The following MFSD6 variants were observed in gnomAD, a reference collection of about 807,000 sequenced individuals.
MFSD6 encodes the protein major facilitator superfamily domain containing 6, also known as major facilitator superfamily domain-containing protein 6.
Under a neutral mutation model 56.3 loss-of-function variants are expected in MFSD6, and 26 were observed. That is an observed-to-expected ratio of 0.46 (90% CI 0.34 to 0.64). The LOEUF (loss-of-function observed/expected upper bound fraction) is 0.64. Ranked by LOEUF, MFSD6 falls within the 30% of genes least tolerant of loss-of-function variation. The pLI is 0.01. For missense variants in MFSD6, 750 were observed against 986.2 expected, an observed-to-expected ratio of 0.76 and a Z score of 3.21; for synonymous variants, 331 against 366.9, an observed-to-expected ratio of 0.90 and a Z score of 1.12.
Position 190,453,381 on chromosome 2 carries a change from C to T in MFSD6, c.1532+15820C>T, listed in dbSNP as rs566290269. 9.9e-5 allele frequency among the ~76,000 whole-genome samples: 15 copies of T among 152,190 alleles called. No homozygotes were observed. The East Asian group carries it at 2.5e-3, about 25-fold the overall frequency. On this transcript the variant is annotated intron_variant, in intron 3 of 7. Coordinates refer to ENST00000392328, the MANE Select transcript of MFSD6 (RefSeq NM_017694.4). Reference sequence around the variant, plus strand: ...CCCATTGGAAAGTTGCATTGATAAGCCCAGATTTAGAGAAAGGATGAAGTT... The same window carrying T: ...CCCATTGGAAAGTTGCATTGATAAGTCCAGATTTAGAGAAAGGATGAAGTT...
rs756963181 is a variant in MFSD6, at chr2:190,492,222, G to C, written c.1891+2356G>C. Among the ~76,000 whole-genome samples, 1 of 152,186 alleles carries C rather than the reference G, an allele frequency of 6.6e-6. No individual in the cohort carries two copies. The highest frequency in any genetic ancestry group is 1.5e-5 in the Non-Finnish European group (1 of 68,028). ...GGAAGAAGATACATCTGAAAGTATGGAAAACACATTTGATGAAATAATCAA... is the reference window on the plus strand; with the variant it reads ...GGAAGAAGATACATCTGAAAGTATGCAAAACACATTTGATGAAATAATCAA... On this transcript the variant is annotated intron_variant, in intron 6 of 7. Transcript: ENST00000392328. The surrounding 1 kb of genome is among the most constrained non-coding windows in gnomAD (Gnocchi z 5.2).
rs1685704672 is a variant in MFSD6, at chr2:190,423,758, G to A, written c.-54+8345G>A. Among the ~76,000 whole-genome samples, 1 of 152,168 alleles carries A rather than the reference G, an allele frequency of 6.6e-6. No homozygotes were observed. On this transcript the variant is annotated intron_variant, in intron 2 of 7. Transcript: ENST00000392328. This position sits in a 1 kb window ranked among gnomAD's most constrained non-coding sequence, Gnocchi z 4.3. Reference sequence around the variant, plus strand: ...GTACCATTTTAAATCCCCACCCACAGTATATGAGTAATTTGGTAGTTGTGC... The same window carrying A: ...GTACCATTTTAAATCCCCACCCACAATATATGAGTAATTTGGTAGTTGTGC...
chr2:190,463,821 A>AAAAT lies in MFSD6; in HGVS notation c.1533-5921_1533-5918dup, dbSNP rs900987144. 1.1e-6 allele frequency: 1 copy of AAAAT among 936,486 alleles called. No homozygotes were observed. Among genetic ancestry groups the AAAAT allele is most frequent in the Admixed American group, 6.2e-5 (1 of 16,182 alleles). The allele number at this position is 936,486 out of a possible 1,614,324, so 58.0% of individuals were successfully genotyped here. ...GGTAACAGAGCAAGACCCTGTCTCA[A>AAAAT]AAATAAATAAATAAATAAAATAAAA... On this transcript the variant is annotated intron_variant, in intron 3 of 7. Transcript: ENST00000392328. This position sits in a 1 kb window ranked among gnomAD's most constrained non-coding sequence, Gnocchi z 4.4.
chr2:190,461,398 T>C lies in MFSD6; in HGVS notation c.1533-8360T>C, dbSNP rs570130315. Reference sequence around the variant, plus strand: ...AGAGACTATCCATTATATGAGGTTCTAGTGTTGTATCCTTTTAGAGATATT... The same window carrying C: ...AGAGACTATCCATTATATGAGGTTCCAGTGTTGTATCCTTTTAGAGATATT... On this transcript the variant is annotated intron_variant, in intron 3 of 7. Coordinates refer to ENST00000392328, the MANE Select transcript of MFSD6 (RefSeq NM_017694.4). The surrounding 1 kb of genome is among the most constrained non-coding windows in gnomAD (Gnocchi z 5.5). Among the ~76,000 whole-genome samples, 9 of 152,224 alleles carry C rather than the reference T, an allele frequency of 5.9e-5. No homozygotes were observed. The highest frequency in any genetic ancestry group is 1.3e-4 in the Non-Finnish European group (9 of 68,038).
In MFSD6 at chr2:190,457,764, A is replaced by T. The variant is rs1687118585; in HGVS notation, c.1533-11994A>T. ...TCTTTTCAAAACTCTAGTATAACCA[A>T]AGCAGTTATGACCACTCCTGAGAAA... On this transcript the variant is annotated intron_variant, in intron 3 of 7. Coordinates refer to ENST00000392328, the MANE Select transcript of MFSD6 (RefSeq NM_017694.4). This position sits in a 1 kb window ranked among gnomAD's most constrained non-coding sequence, Gnocchi z 5.1. Among the ~76,000 whole-genome samples, 1 of 152,190 alleles carries T rather than the reference A, an allele frequency of 6.6e-6. No individual in the cohort carries two copies. Among genetic ancestry groups the T allele is most frequent in the African/African-American group, 2.4e-5 (1 of 41,452 alleles).
Position 190,437,668 on chromosome 2 carries a change from A to G in MFSD6, c.1532+107A>G, listed in dbSNP as rs902443498. On this transcript the variant is annotated intron_variant, in intron 3 of 7. Transcript: ENST00000392328. The surrounding 1 kb of genome is among the most constrained non-coding windows in gnomAD (Gnocchi z 5.9). ...TAAGGTATTATAATTTGTGTTGAGG[A>G]TAGGGTTGGAGTGGAAATGGGGATT... 1 of 1,337,036 alleles carries G rather than the reference A, an allele frequency of 7.5e-7. No homozygotes were observed. The highest frequency in any genetic ancestry group is 1.0e-6 in the Non-Finnish European group (1 of 989,946). The allele number at this position is 1,337,036 out of a possible 1,614,324, so 82.8% of individuals were successfully genotyped here.
At position 190,424,822 on chromosome 2, in the gene MFSD6, G is replaced by A. The variant is rs1458838107; in HGVS notation, c.-54+9409G>A. Among the ~76,000 whole-genome samples, 1 of 152,040 alleles carries A rather than the reference G, an allele frequency of 6.6e-6. No individual in the cohort carries two copies. The highest frequency in any genetic ancestry group is 2.4e-5 in the African/African-American group (1 of 41,382). ...GTCTGTCCTTCTGCTAATACCACACGGTCTTAATGCACAGCTATATGATCT... is the reference window on the plus strand; with the variant it reads ...GTCTGTCCTTCTGCTAATACCACACAGTCTTAATGCACAGCTATATGATCT... On this transcript the variant is annotated intron_variant, in intron 2 of 7. Transcript: ENST00000392328. The surrounding 1 kb of genome is among the most constrained non-coding windows in gnomAD (Gnocchi z 5.9).
Position 190,487,109 on chromosome 2 carries a change from G to T in MFSD6, c.1631-1548G>T, listed in dbSNP as rs1452320306. 6.6e-6 allele frequency among the ~76,000 whole-genome samples: 1 copy of T among 152,168 alleles called. No homozygotes were observed. The highest frequency in any genetic ancestry group is 1.5e-5 in the Non-Finnish European group (1 of 68,032). ...ACTAATCCCAGCACTTTGAGAGGCTGAGGCAGGTGGATCACGAGGTCAAGA... is the reference window on the plus strand; with the variant it reads ...ACTAATCCCAGCACTTTGAGAGGCTTAGGCAGGTGGATCACGAGGTCAAGA... On this transcript the variant is annotated intron_variant, in intron 4 of 7. Coordinates refer to ENST00000392328, the MANE Select transcript of MFSD6 (RefSeq NM_017694.4). This position sits in a 1 kb window ranked among gnomAD's most constrained non-coding sequence, Gnocchi z 5.5.
In MFSD6 at chr2:190,465,543, C is replaced by T. The variant is rs577593041; in HGVS notation, c.1533-4215C>T. Among the ~76,000 whole-genome samples the T allele has an allele frequency of 1.1e-4, 16 of 152,164 alleles. No homozygotes were observed. The highest frequency in any genetic ancestry group is 3.9e-4 in the African/African-American group (16 of 41,516). ...AATTCTAGGACCCTGAACATATGCT[C>T]ATATTCAGCATAAAAAAGAATTTGA... On this transcript the variant is annotated intron_variant, in intron 3 of 7. Coordinates refer to ENST00000392328, the MANE Select transcript of MFSD6 (RefSeq NM_017694.4). This position sits in a 1 kb window ranked among gnomAD's most constrained non-coding sequence, Gnocchi z 4.6.
rs1690864992 is a variant in MFSD6 at position 190,418,141 on chromosome 2, T to C, written c.-54+2728T>C. Reference sequence around the variant, plus strand: ...AGTCAGTACCTGCTAAGAGCAGCACTGCTACTCATTCCCTATGTGACTTTG... The same window carrying C: ...AGTCAGTACCTGCTAAGAGCAGCACCGCTACTCATTCCCTATGTGACTTTG... On this transcript the variant is annotated intron_variant, in intron 2 of 7. Transcript: ENST00000392328. The surrounding 1 kb of genome is among the most constrained non-coding windows in gnomAD (Gnocchi z 4.1). 6.6e-6 allele frequency among the ~76,000 whole-genome samples: 1 copy of C among 152,168 alleles called. No homozygotes were observed. The highest frequency in any genetic ancestry group is 2.1e-4 in the South Asian group (1 of 4,830).
rs987613972 is a variant in MFSD6, at chr2:190,426,953, C to G, written c.-53-9024C>G. 1.3e-5 allele frequency among the ~76,000 whole-genome samples: 2 copies of G among 152,216 alleles called. No homozygotes were observed. The highest frequency in any genetic ancestry group is 2.9e-5 in the Non-Finnish European group (2 of 68,036). ...GAAGTCCAAGTTCCTCACTCAGCCT[C>G]TTTGGATACCTGAAGGTGAAAGACT... On this transcript the variant is annotated intron_variant, in intron 2 of 7. Transcript: ENST00000392328. This position sits in a 1 kb window ranked among gnomAD's most constrained non-coding sequence, Gnocchi z 4.7.
chr2:190,414,991 A>G (rs113103213), intron 1 of MFSD6, among the ~76,000 whole-genome samples: 1 of 152,156 alleles, frequency 6.6e-6, no homozygotes, highest in African/African-American at 2.4e-5. Context: ...TTTTCCCATG[A>G]TATGGATATA....
At position 190,469,027 on chromosome 2, in the gene MFSD6, A is replaced by G. The variant is rs1260069033; in HGVS notation, c.1533-731A>G. ...CTGAAACCTTATGCTTGGGTGCACC[A>G]CTTCAGGCCTTTGCTTATTTTCTTT... On this transcript the variant is annotated intron_variant, in intron 3 of 7. Transcript: ENST00000392328. This position sits in a 1 kb window ranked among gnomAD's most constrained non-coding sequence, Gnocchi z 5.3. Among the ~76,000 whole-genome samples the G allele has an allele frequency of 1.3e-5, 2 of 152,120 alleles. No individual in the cohort carries two copies. Among genetic ancestry groups the G allele is most frequent in the Non-Finnish European group, 2.9e-5 (2 of 68,028 alleles).
chr2:190,437,595 A>G lies in MFSD6; in HGVS notation c.1532+34A>G, dbSNP rs1461809870. On this transcript the variant is annotated intron_variant, in intron 3 of 7. Coordinates refer to ENST00000392328, the MANE Select transcript of MFSD6 (RefSeq NM_017694.4). The surrounding 1 kb of genome is among the most constrained non-coding windows in gnomAD (Gnocchi z 5.9). ...ATGCTTACGATTGCTGCCCCTCAGCAATTGAACTTTATCTTTTTATGGTTT... is the reference window on the plus strand; with the variant it reads ...ATGCTTACGATTGCTGCCCCTCAGCGATTGAACTTTATCTTTTTATGGTTT... The G allele has an allele frequency of 2.5e-6, 4 of 1,583,764 alleles. No individual in the cohort carries two copies. Among genetic ancestry groups the G allele is most frequent in the Admixed American group, 1.8e-5 (1 of 55,784 alleles).
rs1352788870 is a variant in MFSD6, at chr2:190,433,523, A to G, written c.-53-2454A>G. On this transcript the variant is annotated intron_variant, in intron 2 of 7. Coordinates refer to ENST00000392328, the MANE Select transcript of MFSD6 (RefSeq NM_017694.4). This position sits in a 1 kb window ranked among gnomAD's most constrained non-coding sequence, Gnocchi z 4.5. Reference sequence around the variant, plus strand: ...AAGAAAAACCTGATTTGGAAACTAAATAGAGGTGGTGGCCATATACATTGT... The same window carrying G: ...AAGAAAAACCTGATTTGGAAACTAAGTAGAGGTGGTGGCCATATACATTGT... 1 of 152,248 alleles carries G rather than the reference A, an allele frequency of 6.6e-6. No individual in the cohort carries two copies. The allele number at this position is 152,248 out of a possible 1,614,324, so 9.4% of individuals were successfully genotyped here.
At position 190,439,194 on chromosome 2, in the gene MFSD6, T is replaced by C. The variant is rs1686283021; in HGVS notation, c.1532+1633T>C. Reference sequence around the variant, plus strand: ...GGCAGATGAGCAAATCTCACTGCAGTTAATAATGTCTTTAAAATCACTGTT... The same window carrying C: ...GGCAGATGAGCAAATCTCACTGCAGCTAATAATGTCTTTAAAATCACTGTT... On this transcript the variant is annotated intron_variant, in intron 3 of 7. Transcript: ENST00000392328. This position sits in a 1 kb window ranked among gnomAD's most constrained non-coding sequence, Gnocchi z 5.8. Among the ~76,000 whole-genome samples, 1 of 151,980 alleles carries C rather than the reference T, an allele frequency of 6.6e-6. No homozygotes were observed. Among genetic ancestry groups the C allele is most frequent in the Non-Finnish European group, 1.5e-5 (1 of 68,014 alleles).
chr2:190,448,538 T>C (rs1686664421), intron 3 of MFSD6, among the ~76,000 whole-genome samples: 2 of 152,184 alleles, frequency 1.3e-5, no homozygotes. Flanking sequence ...CACTATGATG[T>C]TGACTGGGGA....
At chr2:190,446,280 G>A (rs903344762) in intron 3 of MFSD6, among the ~76,000 whole-genome samples, 2 of 152,136 alleles carry the variant, frequency 1.3e-5, no homozygotes, top group African/African-American at 4.8e-5. Flanking sequence ...AGAGTATGCT[G>A]TTTTCACAAC....
In MFSD6 at chr2:190,417,698, T is replaced by C. The variant is rs4853701; in HGVS notation, c.-54+2285T>C. Among the ~76,000 whole-genome samples the C allele has an allele frequency of 0.76, 115,877 of 151,782 alleles. 45,014 individuals are homozygous for C. Among genetic ancestry groups the C allele is most frequent in the East Asian group, 0.89 (4,606 of 5,154 alleles). On this transcript the variant is annotated intron_variant, in intron 2 of 7. Coordinates refer to ENST00000392328, the MANE Select transcript of MFSD6 (RefSeq NM_017694.4). This position sits in a 1 kb window ranked among gnomAD's most constrained non-coding sequence, Gnocchi z 5.7. ...CCTCATGTGCCCTTTAGTCTTGGGA[T>C]AAATCTTTTACGGATCCTCTGCTGC...
Sources: gnomAD v4.1 joint callset for allele counts (sites outside exome capture counted in the v4.1 genomes callset) on GRCh38, gnomAD v4.1.1 for gene constraint, Gnocchi (gnomAD v3.1) non-coding constraint, MANE v1.5 for transcripts, NCBI Gene and HGNC (gene_info 2026-07-23, HGNC 2026-07-21) for gene names.